NCKAP5: variants seen among roughly 807,000 people sequenced by gnomAD.
The protein encoded by NCKAP5 is NCK associated protein 5.
In NCKAP5, 92 loss-of-function variants were observed where a neutral mutation model predicts 167.0. The ratio of observed to expected loss-of-function variants is 0.55; its 90% CI spans 0.47 to 0.66. The LOEUF is 0.66. Among genes scored for constraint, NCKAP5 ranks in the 30% least tolerant of loss-of-function variants. The pLI, the probability that NCKAP5 is intolerant of heterozygous loss-of-function variation, is 0.00. For synonymous variants in NCKAP5, 891 were observed against 877.4 expected, an observed-to-expected ratio of 1.02 and a Z score of -0.27; for missense variants, 2,378 against 2,315.0, an observed-to-expected ratio of 1.03 and a Z score of -0.56.
At chr2:133,631,538 A>C in the NCKAP5 span, among the ~76,000 whole-genome samples, 1 of 152,312 alleles carries the variant, frequency 6.6e-6, no homozygotes, top group South Asian at 2.1e-4. Flanking sequence ...GTCCTTAAAG[A>C]GATGTGATGT....
chr2:133,518,951 C>T (rs183619553), intron 2 of NCKAP5, among the ~76,000 whole-genome samples: 33 of 152,296 alleles, frequency 2.2e-4, no homozygotes, highest in African/African-American at 7.0e-4. Flanking sequence ...AGACATTGTA[C>T]TGCTGATGCA....
the NCKAP5 span, among the ~76,000 whole-genome samples, chr2:133,631,683 C>A: frequency 6.6e-6 from 1 of 152,200 alleles, no homozygotes; most frequent in Admixed American, 6.5e-5. Context: ...GGAAAATGTT[C>A]TCTAAGACTA....
At chr2:133,068,106 G>A (rs2080260984) in intron 6 of NCKAP5, among the ~76,000 whole-genome samples, 1 of 152,104 alleles carries the variant, frequency 6.6e-6, no homozygotes, top group Non-Finnish European at 1.5e-5. Context: ...GAAGGGGAGA[G>A]GTCTGATGGC....
At chr2:133,221,286 A>G (rs2086652629) in intron 4 of NCKAP5, among the ~76,000 whole-genome samples, 2 of 152,184 alleles carry the variant, frequency 1.3e-5, no homozygotes, top group African/African-American at 4.8e-5. Context: ...GAATCCCATA[A>G]TACTCTCCAT....
At chr2:133,279,624 GAC>G in intron 4 of NCKAP5, among the ~76,000 whole-genome samples, 1 of 152,210 alleles carries the variant, frequency 6.6e-6, no homozygotes, top group South Asian at 2.1e-4. Context: ...AAACCTCTAT[GAC>G]AATGGCCCAG....
chr2:133,499,879 T>C (rs1235990546), intron 3 of NCKAP5, among the ~76,000 whole-genome samples: 1 of 152,148 alleles, frequency 6.6e-6, no homozygotes, highest in African/African-American at 2.4e-5. Flanking sequence ...ATTTTGCAAA[T>C]TCTTTGATTT....
At chr2:132,715,013 C>T (rs1558960492) in intron 19 of NCKAP5, 1 of 404,096 alleles carries the variant, frequency 2.5e-6, no homozygotes. Flanking sequence ...TTCCCAAGCT[C>T]ATCTCCTTGG....
intron 4 of NCKAP5, among the ~76,000 whole-genome samples, chr2:133,299,566 G>A (rs1204463721): frequency 6.6e-6 from 1 of 152,124 alleles, no homozygotes; most frequent in African/African-American, 2.4e-5. Context: ...GGCCAACATG[G>A]TGAAACACTG....
chr2:132,794,715 ATCAGTTAGTT>A (rs1684442729), intron 12 of NCKAP5, among the ~76,000 whole-genome samples: 1 of 151,328 alleles, frequency 6.6e-6, no homozygotes, highest in African/African-American at 2.4e-5. Flanking sequence ...CAACTAAGCC[ATCAGTTAGTT>A]CATGGTCTCC....
intron 6 of NCKAP5, among the ~76,000 whole-genome samples, chr2:133,025,519 T>C (rs904688458): frequency 6.6e-6 from 1 of 152,074 alleles, no homozygotes; most frequent in African/African-American, 2.4e-5. Flanking sequence ...GTGTGAAAAA[T>C]TGTCAAAAGT....
chr2:133,511,478 T>G (rs1013675378), intron 3 of NCKAP5, among the ~76,000 whole-genome samples: 1 of 152,204 alleles, frequency 6.6e-6, no homozygotes, highest in African/African-American at 2.4e-5. Flanking sequence ...ACTGGGTAGA[T>G]ACTTGTCTAA....
At chr2:133,673,859 T>C in the NCKAP5 span, among the ~76,000 whole-genome samples, 3 of 152,166 alleles carry the variant, frequency 2.0e-5, no homozygotes, top group Non-Finnish European at 4.4e-5. Context: ...ATGAACAAAA[T>C]TGGAGCCAGA....
At chr2:133,672,186 C>G in the NCKAP5 span, among the ~76,000 whole-genome samples, 169 of 152,210 alleles carry the variant, frequency 1.1e-3, no homozygotes, top group Admixed American at 1.4e-3. Context: ...AAAAAGACTT[C>G]TAGGTAAAGC....
intron 3 of NCKAP5, among the ~76,000 whole-genome samples, chr2:133,484,072 G>C (rs116837092): frequency 0.017 from 2,516 of 152,244 alleles, 31 homozygotes; most frequent in Non-Finnish European, 0.026. Flanking sequence ...TTTTGAAAAA[G>C]CTCTTTGAAA....
chr2:133,609,112 C>G, the NCKAP5 span, among the ~76,000 whole-genome samples: 3 of 152,170 alleles, frequency 2.0e-5, no homozygotes, highest in Non-Finnish European at 4.4e-5. Flanking sequence ...GTGCTATTCA[C>G]GAGCCAGGCA....
intron 3 of NCKAP5, among the ~76,000 whole-genome samples, chr2:133,373,180 C>A (rs1462084124): frequency 6.6e-6 from 1 of 152,120 alleles, no homozygotes; most frequent in Non-Finnish European, 1.5e-5. Context: ...GTGCCTCAGC[C>A]CCCCGAGTAG....
At chr2:133,580,174 T>C in the NCKAP5 span, among the ~76,000 whole-genome samples, 2 of 152,248 alleles carry the variant, frequency 1.3e-5, no homozygotes, top group South Asian at 4.1e-4. Context: ...GTTACTGCTA[T>C]GCTGGGATAA....
chr2:133,104,188 A>G (rs565593017), intron 6 of NCKAP5, among the ~76,000 whole-genome samples: 2 of 152,306 alleles, frequency 1.3e-5, no homozygotes, highest in East Asian at 3.9e-4. Context: ...ATAACAGAGA[A>G]ATCAGCCAGC....
intron 3 of NCKAP5, among the ~76,000 whole-genome samples, chr2:133,511,067 C>T (rs1267632187): frequency 1.3e-5 from 2 of 152,188 alleles, no homozygotes; most frequent in Non-Finnish European, 2.9e-5. Context: ...ACTAAGTGAA[C>T]ATGCTGAGCT....
Sources: gnomAD v4.1 joint callset for allele counts (sites outside exome capture counted in the v4.1 genomes callset) on GRCh38, gnomAD v4.1.1 for gene constraint, MANE v1.5 for transcripts, NCBI Gene and HGNC (gene_info 2026-07-23, HGNC 2026-07-21) for gene names.